Variants in TASP1 observed in about 807,000 individuals in gnomAD.
TASP1 encodes taspase 1.
In TASP1, 16 loss-of-function variants were observed where a neutral mutation model predicts 56.6. The ratio of observed to expected loss-of-function variants is 0.28; its 90% confidence interval spans 0.19 to 0.43. The LOEUF is 0.43. TASP1 is among the 20% of genes least tolerant of loss of function. TASP1 has a pLI of 1.00. For synonymous variants in TASP1, 179 were observed against 184.2 expected, an observed-to-expected ratio of 0.97 and a Z score of 0.23; for missense variants, 393 against 511.6, an observed-to-expected ratio of 0.77 and a Z score of 2.24.
intron 10 of TASP1, among the ~76,000 whole-genome samples, chr20:13,504,674 T>G (rs143080424): frequency 8.5e-5 from 13 of 152,230 alleles, no homozygotes; most frequent in African/African-American, 3.1e-4. Context: ...TGTTAACAGA[T>G]ACACAACATA....
rs71334133 is a variant in TASP1 at position 13,580,985 on chromosome 20, TAAAAA to T, written c.404-9_404-5del. On this transcript the variant is annotated splice_region_variant and splice_polypyrimidine_tract_variant and intron_variant, in intron 5 of 13. Coordinates refer to ENST00000337743, the MANE Select transcript of TASP1 (RefSeq NM_017714.3). ...ACCGAGACTGGGTTCTTGATTCCTA[TAAAAA>T]AAAAAAAAAAATTGGCAAAAAAGAT... is the stretch of plus-strand genomic sequence containing the variant. 10 of 1,469,314 alleles carry T rather than the reference TAAAAA, an allele frequency of 6.8e-6. No individual in the cohort carries two copies. The East Asian group carries it at 1.9e-4, about 28-fold the overall frequency. 91.0% of individuals were successfully genotyped at this position (1,469,314 alleles called of 1,614,324 possible). A position where few individuals can be genotyped will look rare whatever the true frequency, so the allele number is the denominator to read the frequency against.
chr20:13,292,323 G>A, the TASP1 span: 3 of 1,143,678 alleles, frequency 2.6e-6, no homozygotes, highest in Non-Finnish European at 3.9e-6. Flanking sequence ...GGGTGGGGGA[G>A]ATAACTTTTT....
the TASP1 span, among the ~76,000 whole-genome samples, chr20:13,274,768 G>C: frequency 6.7e-6 from 1 of 150,120 alleles, no homozygotes. Context: ...TTAACTCCCA[G>C]AAGTCAGGCA....
intron 11 of TASP1, among the ~76,000 whole-genome samples, chr20:13,476,645 A>C (rs2042960027): frequency 6.6e-6 from 1 of 152,206 alleles, no homozygotes; most frequent in Admixed American, 6.5e-5. Context: ...GTAACCAGCA[A>C]AGTATCTTGT....
At chr20:13,606,784 G>A (rs1486734713) in intron 4 of TASP1, among the ~76,000 whole-genome samples, 1 of 148,872 alleles carries the variant, frequency 6.7e-6, no homozygotes, top group Non-Finnish European at 1.5e-5. Flanking sequence ...TCCAGCCTGG[G>A]CGACTGAGCG....
At chr20:13,599,537 G>A (rs927786347) in intron 4 of TASP1, among the ~76,000 whole-genome samples, 2 of 152,148 alleles carry the variant, frequency 1.3e-5, no homozygotes, top group Non-Finnish European at 2.9e-5. Context: ...GGCGGTGGGG[G>A]GCTGGGGGAG....
intron 9 of TASP1, among the ~76,000 whole-genome samples, chr20:13,529,818 A>T (rs1267851731): frequency 6.6e-6 from 1 of 152,146 alleles, no homozygotes; most frequent in Non-Finnish European, 1.5e-5. Flanking sequence ...TTATTTTTTT[A>T]CAAGGATCTT....
the TASP1 span, chr20:13,222,064 T>G: frequency 1.3e-6 from 1 of 764,986 alleles, no homozygotes; most frequent in Non-Finnish European, 1.8e-6. Flanking sequence ...CCGGGCCACT[T>G]GACTTAGGCA....
At chr20:13,629,745 T>A (rs2049020148) in intron 2 of TASP1, among the ~76,000 whole-genome samples, 189 bp downstream of exon 2, 1 of 152,202 alleles carries the variant, frequency 6.6e-6, no homozygotes, top group South Asian at 2.1e-4. Context: ...GCTGCCATTC[T>A]AAGATCTTCT....
At chr20:13,603,420 T>C (rs547524904) in intron 4 of TASP1, among the ~76,000 whole-genome samples, 2 of 151,888 alleles carry the variant, frequency 1.3e-5, no homozygotes, top group South Asian at 4.2e-4. Flanking sequence ...TACACGCATG[T>C]AGTCCCAGCT....
intron 10 of TASP1, among the ~76,000 whole-genome samples, chr20:13,498,543 G>A (rs923462747): frequency 6.6e-6 from 1 of 151,946 alleles, no homozygotes; most frequent in Non-Finnish European, 1.5e-5. Flanking sequence ...ATTTTTAGTA[G>A]ACATAGGGTT....
chr20:13,385,499 C>A (rs1302004405), downstream of TASP1, among the ~76,000 whole-genome samples: 1 of 152,152 alleles, frequency 6.6e-6, no homozygotes, highest in African/African-American at 2.4e-5. Flanking sequence ...GGAGGAGAGC[C>A]CCAGTGAGGG....
At chr20:13,360,787 T>C in the TASP1 span, among the ~76,000 whole-genome samples, 7 of 152,362 alleles carry the variant, frequency 4.6e-5, no homozygotes, top group East Asian at 1.9e-4. Context: ...CCACTGTTCC[T>C]GGCCCAGACT....
At chr20:13,359,100 A>G in the TASP1 span, among the ~76,000 whole-genome samples, 5 of 146,506 alleles carry the variant, frequency 3.4e-5, no homozygotes, top group African/African-American at 5.3e-5. Context: ...TTATCTCTGC[A>G]CCCCAATCGC....
At chr20:13,594,912 G>A (rs1471700020) in intron 4 of TASP1, among the ~76,000 whole-genome samples, 1 of 152,014 alleles carries the variant, frequency 6.6e-6, no homozygotes, top group East Asian at 1.9e-4. Context: ...GCAACTCCAA[G>A]ACACATAATT....
chr20:13,516,321 A>G (rs2044531074), intron 10 of TASP1, among the ~76,000 whole-genome samples: 1 of 152,166 alleles, frequency 6.6e-6, no homozygotes, highest in African/African-American at 2.4e-5. Flanking sequence ...TTGATGAGTT[A>G]TGCTTTCAAG....
At chr20:13,317,484 C>T in the TASP1 span, among the ~76,000 whole-genome samples, 1 of 149,530 alleles carries the variant, frequency 6.7e-6, no homozygotes, top group Non-Finnish European at 1.5e-5. Context: ...GAATAGCCAA[C>T]AAAATATTGA....
intron 10 of TASP1, among the ~76,000 whole-genome samples, chr20:13,509,483 C>A (rs767730919): frequency 2.6e-5 from 4 of 152,020 alleles, no homozygotes; most frequent in Non-Finnish European, 4.4e-5. Context: ...GAGAGTAGAT[C>A]TTTATTCTCA....
intron 1 of TASP1, among the ~76,000 whole-genome samples, chr20:13,637,289 T>C (rs927644815): frequency 7.9e-5 from 12 of 152,268 alleles, no homozygotes; most frequent in African/African-American, 2.9e-4. Flanking sequence ...AACCTGCTGG[T>C]GGGAATGTAA....
Sources: allele counts gnomAD v4.1 joint callset (sites outside exome capture counted in the v4.1 genomes callset), GRCh38; gene constraint gnomAD v4.1.1; transcripts MANE v1.5; gene names NCBI Gene and HGNC (gene_info 2026-07-23, HGNC 2026-07-21).